The following PTGR1 variants were observed in gnomAD, a reference collection of about 807,000 sequenced individuals.
PTGR1 encodes the protein prostaglandin reductase 1.
A neutral mutation model predicts 37.7 loss-of-function variants in PTGR1; 23 were observed. That is an observed-to-expected ratio of 0.61 (90% CI 0.44 to 0.86). The LOEUF is 0.86. Ranked by LOEUF, PTGR1 falls within the 40% of genes least tolerant of loss-of-function variation. The pLI is 0.00. For synonymous variants in PTGR1, 134 were observed against 140.0 expected (o/e 0.96, Z 0.30); for missense variants, 351 against 394.3 (o/e 0.89, Z 0.93).
At chr9:111,552,319 A>G (rs1186067975) in intron 9 of PTGR1, among the ~76,000 whole-genome samples, 1 of 152,210 alleles carries the variant, frequency 6.6e-6, no homozygotes, top group African/African-American at 2.4e-5. Flanking sequence ...AACTGTCAAC[A>G]TTCTATAGCT....
At chr9:111,571,326 C>T (rs1295611565) in intron 8 of PTGR1, among the ~76,000 whole-genome samples, 4 of 149,542 alleles carry the variant, frequency 2.7e-5, no homozygotes, top group East Asian at 2.1e-4. Flanking sequence ...GCAGGAGAAT[C>T]GCTTGAAGTC....
intron 5 of PTGR1, 144 bp from the exon 6 acceptor site, chr9:111,583,733 C>T: frequency 4.6e-6 from 3 of 653,140 alleles, no homozygotes; most frequent in Non-Finnish European, 5.4e-6. Flanking sequence ...TATTGCCAGC[C>T]ACTGTTGCTT....
chr9:111,574,701 T>G, intron 8 of PTGR1, 33 bp downstream of exon 8: 33 of 1,498,224 alleles, frequency 2.2e-5, no homozygotes, highest in Non-Finnish European at 3.0e-5. Context: ...TCCAGCCTTG[T>G]GACATATGGG....
At position 111,570,195 on chromosome 9, in the gene PTGR1, T is replaced by A; in HGVS notation, c.775A>T (p.Ile259Phe). The stretch of plus-strand genomic sequence containing the variant: ...ATGCGAAGCTCCTGATAGATAACAA[T>A]CTCTGGGGGTGGGCCTGTGAAGAGA... ...GPLPPGPPPE[I>F]VIYQELRMEA... The change falls in exon 9 of 10, where the codon ATT becomes TTT. Residue 259 changes from isoleucine to phenylalanine, a missense_variant. By Grantham distance (21) the Ile-to-Phe change is conservative. Coordinates refer to ENST00000407693, the MANE Select transcript of PTGR1 (RefSeq NM_001146108.2). 1 of 1,613,596 alleles carries A rather than the reference T, an allele frequency of 6.2e-7. No individual in the cohort carries two copies. Among genetic ancestry groups the A allele is most frequent in the Non-Finnish European group, 8.5e-7 (1 of 1,179,864 alleles).
At position 111,554,369 on chromosome 9, in the gene PTGR1, G is replaced by A. The variant is rs1589284299; in HGVS notation, c.880-4570C>T. ...ATATAACCCTAACCTAACTTAAAGG[G>A]AGGCTTGAAATACAGCTTTCCCCTC... On this transcript the variant is annotated intron_variant, in intron 9 of 9. Coordinates refer to the PTGR1 transcript ENST00000538962. Among the ~76,000 whole-genome samples, 5 of 152,158 alleles carry A rather than the reference G, an allele frequency of 3.3e-5. No individual in the cohort carries two copies. In the South Asian group the frequency reaches 1.0e-3, roughly 32 times the overall value.
intron 3 of PTGR1, among the ~76,000 whole-genome samples, chr9:111,593,280 C>A (rs955688374): frequency 1.8e-4 from 28 of 152,104 alleles, no homozygotes; most frequent in African/African-American, 6.8e-4. Context: ...TGAATTTCTA[C>A]CAATGACTTT....
chr9:111,562,629 G>C lies in PTGR1; in HGVS notation c.*492C>G, dbSNP rs974322401. On this transcript the variant is annotated 3_prime_UTR_variant, in exon 10 of 10. Coordinates refer to ENST00000407693, the MANE Select transcript of PTGR1 (RefSeq NM_001146108.2). ...TTTTCAGTTCCGGGATAATTGTGTG[G>C]AATGTGCAGGTTTGTTACATAGGTA... 1 of 152,126 alleles carries C rather than the reference G, an allele frequency of 6.6e-6. No individual in the cohort carries two copies. The highest frequency in any genetic ancestry group is 1.5e-5 in the Non-Finnish European group (1 of 68,082). 9.4% of individuals were successfully genotyped at this position (152,126 alleles called of 1,614,324 possible).
chr9:111,554,361 C>G (rs1167773958), intron 9 of PTGR1, among the ~76,000 whole-genome samples: 1 of 152,204 alleles, frequency 6.6e-6, no homozygotes, highest in Non-Finnish European at 1.5e-5. Context: ...CCTAACCTAA[C>G]TTAAAGGGAG....
At position 111,578,964 on chromosome 9, in the gene PTGR1, A is replaced by G. The variant is rs753499369; in HGVS notation, c.496-13T>C. ...CAACTTTGCAGCCCTAAGTAGAAAAAAAAAAAAAAAGGAAACCATGAATAA... is the reference window on the plus strand; with the variant it reads ...CAACTTTGCAGCCCTAAGTAGAAAAGAAAAAAAAAAGGAAACCATGAATAA... On this transcript the variant is annotated splice_polypyrimidine_tract_variant and intron_variant, in intron 6 of 9. Coordinates refer to ENST00000407693, the MANE Select transcript of PTGR1 (RefSeq NM_001146108.2). 7 of 1,563,106 alleles carry G rather than the reference A, an allele frequency of 4.5e-6. No individual in the cohort carries two copies. Among genetic ancestry groups the G allele is most frequent in the South Asian group, 3.6e-5 (3 of 82,902 alleles).
Position 111,594,404 on chromosome 9 carries a change from C to G in PTGR1, c.107-137G>C. On this transcript the variant is annotated intron_variant, in intron 2 of 9. Transcript: ENST00000407693. Reference sequence around the variant, plus strand: ...CACCCATGAGGTACCATGCTCACTGCCTGGGTGACAGGATCATTCGTACAC... The same window carrying G: ...CACCCATGAGGTACCATGCTCACTGGCTGGGTGACAGGATCATTCGTACAC... The G allele has an allele frequency of 1.4e-5, 10 of 736,840 alleles. No individual in the cohort carries two copies. In the South Asian group the frequency reaches 1.5e-4, roughly 11 times the overall value. 45.6% of individuals were successfully genotyped at this position (736,840 alleles called of 1,614,324 possible).
In PTGR1 at chr9:111,578,841, G is replaced by T; in HGVS notation, c.606C>A (p.Thr202=). The change falls in exon 7 of 10, where the codon ACC becomes ACA. Residue 202 remains threonine (T), a synonymous_variant. Coordinates refer to ENST00000407693, the MANE Select transcript of PTGR1 (RefSeq NM_001146108.2). ...AACCATCAGGAGACGCTTTCTTCAAGGTTTCTTCCAAAGACTCTACCGTCT... is the reference window on the plus strand; with the variant it reads ...AACCATCAGGAGACGCTTTCTTCAATGTTTCTTCCAAAGACTCTACCGTCT... The part of the protein sequence containing the change: ...NYKTVESLEE[T]LKKASPDGYD... The T allele has an allele frequency of 1.2e-6, 2 of 1,610,436 alleles. No homozygotes were observed. Among genetic ancestry groups the T allele is most frequent in the Non-Finnish European group, 8.5e-7 (1 of 1,178,978 alleles).
chr9:111,589,935 T>A (rs1172508248), intron 4 of PTGR1, among the ~76,000 whole-genome samples: 1 of 152,164 alleles, frequency 6.6e-6, no homozygotes, highest in African/African-American at 2.4e-5. Flanking sequence ...GCCCCCGGCA[T>A]GAATAAATAT....
At chr9:111,560,342 TG>T (rs1828236793), downstream of PTGR1, among the ~76,000 whole-genome samples, 1 of 151,038 alleles carries the variant, frequency 6.6e-6, no homozygotes, top group South Asian at 2.1e-4. Context: ...GGCGTGGTGG[TG>T]GGCGCCTGTA....
In PTGR1 at chr9:111,583,590, C is replaced by A; in HGVS notation, c.378-1G>T. 1 of 1,588,070 alleles carries A rather than the reference C, an allele frequency of 6.3e-7. No individual in the cohort carries two copies. The highest frequency in any genetic ancestry group is 1.7e-5 in the Admixed American group (1 of 59,972). On this transcript the variant is annotated splice_acceptor_variant, in intron 5 of 9. Coordinates refer to ENST00000407693, the MANE Select transcript of PTGR1 (RefSeq NM_001146108.2). LOFTEE classifies it high-confidence loss of function. Reference sequence around the variant, plus strand: ...AAGTAGGCCAAAGTAGGCAGTCAGGCTAAAGGAAGAAAATTAAGGATATAT... The same window carrying A: ...AAGTAGGCCAAAGTAGGCAGTCAGGATAAAGGAAGAAAATTAAGGATATAT...
chr9:111,594,161 A>G (rs1302277210), intron 3 of PTGR1, 61 bp downstream of exon 3: 1 of 1,465,016 alleles, frequency 6.8e-7, no homozygotes, highest in Non-Finnish European at 9.6e-7. Flanking sequence ...TTAGAAGATG[A>G]ACTACTTCCA....
chr9:111,594,424 G>A (rs534269917), intron 2 of PTGR1, among the ~76,000 whole-genome samples, 157 bp from the exon 3 acceptor site: 2 of 151,982 alleles, frequency 1.3e-5, no homozygotes, highest in African/African-American at 2.4e-5. Flanking sequence ...AGGATCATTC[G>A]TACACCAAAC....
At chr9:111,590,692 C>T (rs1012919462) in intron 4 of PTGR1, among the ~76,000 whole-genome samples, 32 of 152,252 alleles carry the variant, frequency 2.1e-4, no homozygotes, top group African/African-American at 7.5e-4. Context: ...AATTTGTCAT[C>T]ACCTTTTCAG....
At chr9:111,573,436 G>T (rs1187408412) in intron 8 of PTGR1, among the ~76,000 whole-genome samples, 1 of 152,164 alleles carries the variant, frequency 6.6e-6, no homozygotes. Context: ...CAGTTGTGTG[G>T]TGGTTAACCA....
In PTGR1 at chr9:111,586,013, G is replaced by A; in HGVS notation, c.362C>T (p.Thr121Ile). The A allele has an allele frequency of 6.2e-7, 1 of 1,614,074 alleles. No individual in the cohort carries two copies. Residue 121 changes from threonine (T) to isoleucine (I), a missense_variant, in exon 5 of 10, where the codon ACA (threonine) becomes ATA (isoleucine). Transcript: ENST00000407693. ...TGAAACTCACCCTGGCATGCCAACT[G>A]TCCCCAGAGCCAAAGACAGTGGTAT... ...DTIPLSLALG[T>I]VGMPGLTAYF...
Sources: allele counts gnomAD v4.1 joint callset (sites outside exome capture counted in the v4.1 genomes callset), GRCh38; gene constraint gnomAD v4.1.1; transcripts MANE v1.5; gene names NCBI Gene and HGNC (gene_info 2026-07-23, HGNC 2026-07-21).